ROCK2: variants seen among roughly 807,000 people sequenced by gnomAD.
The protein encoded by ROCK2 is rho-associated protein kinase 2.
In ROCK2, 61 loss-of-function variants were observed where a neutral mutation model predicts 195.1. The ratio of observed to expected loss-of-function variants is 0.31; its 90% CI spans 0.25 to 0.39. The LOEUF is 0.39. ROCK2 is among the 10% of genes least tolerant of loss of function. The pLI is 1.00. For missense variants in ROCK2, 1,109 were observed against 1,637.4 expected (o/e 0.68, Z 5.57); for synonymous variants, 504 against 545.5 (o/e 0.92, Z 1.06).
intron 1 of ROCK2, among the ~76,000 whole-genome samples, chr2:11,296,019 A>AGGGGAGAGAGAGAGAGAGAGAGAGAGAGG (rs1427608347): frequency 9.1e-6 from 1 of 109,904 alleles, no homozygotes; most frequent in South Asian, 3.5e-4. Flanking sequence ...AGAGAGAGAG[A>AGGGGAGAGAGAGAGAGAGAGAGAGAGAGG]GAGAGAGAGA....
intron 3 of ROCK2, among the ~76,000 whole-genome samples, chr2:11,262,611 G>GCT (rs1355380833): frequency 2.0e-5 from 3 of 152,124 alleles, no homozygotes; most frequent in Non-Finnish European, 4.4e-5. Flanking sequence ...TCCTGCACAA[G>GCT]CTCTCTTTGC....
At chr2:11,328,811 G>C (rs9798189) in intron 1 of ROCK2, among the ~76,000 whole-genome samples, 5 of 150,920 alleles carry the variant, frequency 3.3e-5, no homozygotes, top group Admixed American at 6.6e-5. Context: ...GTAAACTATC[G>C]CAAGGACAAA....
At chr2:11,217,678 C>T (rs755323963) in intron 11 of ROCK2, 50 of 158,836 alleles carry the variant, frequency 3.1e-4, no homozygotes, top group Non-Finnish European at 6.0e-4. Context: ...CAATAACTTT[C>T]GAATAAATGA....
chr2:11,257,870 G>A (rs1666091017), intron 3 of ROCK2, among the ~76,000 whole-genome samples: 1 of 151,414 alleles, frequency 6.6e-6, no homozygotes, highest in Non-Finnish European at 1.5e-5. Flanking sequence ...ATGGAGTGAT[G>A]TATTCTCAAG....
chr2:11,190,007 A>G (rs1558275143), intron 32 of ROCK2, among the ~76,000 whole-genome samples: 1 of 152,022 alleles, frequency 6.6e-6, no homozygotes, highest in African/African-American at 2.4e-5. Context: ...TAATAATAAT[A>G]ATAATAATAA....
intron 1 of ROCK2, among the ~76,000 whole-genome samples, chr2:11,288,740 TA>T (rs767771424): frequency 6.6e-6 from 1 of 151,826 alleles, no homozygotes; most frequent in Admixed American, 6.6e-5. Context: ...GGGACTTGGA[TA>T]GGGGGAAAAC....
intron 1 of ROCK2, among the ~76,000 whole-genome samples, chr2:11,333,421 C>T (rs79906287): frequency 0.024 from 3,662 of 152,154 alleles, 175 homozygotes; most frequent in African/African-American, 0.084. Context: ...ATGAATACCA[C>T]TAGTAGATAT....
chr2:11,194,811 C>T (rs376579102), intron 28 of ROCK2, 144 bp downstream of exon 28: 26 of 415,468 alleles, frequency 6.3e-5, no homozygotes, highest in African/African-American at 4.5e-4. Flanking sequence ...TAAATAAAAT[C>T]ATATCATTTC....
At chr2:11,336,300 A>C (rs1425666603) in intron 1 of ROCK2, among the ~76,000 whole-genome samples, 1 of 152,204 alleles carries the variant, frequency 6.6e-6, no homozygotes, top group Non-Finnish European at 1.5e-5. Context: ...ACCCAGGCTA[A>C]AGTGCAGCAG....
Position 11,228,333 on chromosome 2 carries a change from A to G in ROCK2, c.724-935T>C, listed in dbSNP as rs141289241. ...AAAGGAGGTTGAACACATTTTGTAA[A>G]CCTAATTTATGTAACTTTATATAAA... On this transcript the variant is annotated intron_variant, in intron 5 of 32. Coordinates refer to ENST00000315872, the MANE Select transcript of ROCK2 (RefSeq NM_004850.5). Among the ~76,000 whole-genome samples, 498 of 152,264 alleles carry G rather than the reference A, an allele frequency of 3.3e-3. 7 individuals carry two copies. The highest frequency in any genetic ancestry group is 0.012 in the African/African-American group (481 of 41,552).
At chr2:11,287,544 T>C (rs896886753) in intron 2 of ROCK2, 111 bp downstream of exon 2, 2 of 382,300 alleles carry the variant, frequency 5.2e-6, no homozygotes, top group African/African-American at 2.1e-5. Flanking sequence ...GACTTAAGTT[T>C]AATAAATAAG....
chr2:11,262,601 T>C (rs527547556), intron 3 of ROCK2, among the ~76,000 whole-genome samples: 12 of 152,284 alleles, frequency 7.9e-5, no homozygotes, highest in East Asian at 1.9e-4. Flanking sequence ...GGGGGAGTTT[T>C]CCTGCACAAG....
chr2:11,344,280 A>G lies in ROCK2; in HGVS notation c.-144T>C. 1 of 1,258,140 alleles carries G rather than the reference A, an allele frequency of 7.9e-7. No homozygotes were observed. Among genetic ancestry groups the G allele is most frequent in the Non-Finnish European group, 1.0e-6 (1 of 1,003,804 alleles). 77.9% of individuals were successfully genotyped at this position (1,258,140 alleles called of 1,614,324 possible). ...CTCTAGCTCCGGCTTCGGGTCTCCA[A>G]GGCGGTCCCCCGCCTGGGGGCTGCT... On this transcript the variant is annotated 5_prime_UTR_variant, in exon 1 of 33. Transcript: ENST00000315872. The surrounding 1 kb of genome is among the most constrained non-coding windows in gnomAD (Gnocchi z 5.4).
intron 1 of ROCK2, among the ~76,000 whole-genome samples, chr2:11,291,989 C>T (rs62117973): frequency 0.81 from 122,361 of 151,680 alleles, 50,981 homozygotes; most frequent in East Asian, 0.99. Context: ...AGACAAATGA[C>T]AGACTATGAT....
chr2:11,315,638 A>G (rs1282114263), intron 1 of ROCK2, among the ~76,000 whole-genome samples: 1 of 152,132 alleles, frequency 6.6e-6, no homozygotes, highest in Admixed American at 6.6e-5. Flanking sequence ...AACAACAAGC[A>G]AAGTCCTATT....
At position 11,201,272 on chromosome 2, in the gene ROCK2, C is replaced by T. The variant is rs1327354867; in HGVS notation, c.2723+38G>A. The T allele has an allele frequency of 2.0e-6, 3 of 1,524,356 alleles. No homozygotes were observed. The highest frequency in any genetic ancestry group is 3.4e-5 in the Admixed American group (2 of 59,254). The allele number at this position is 1,524,356 out of a possible 1,614,324, so 94.4% of individuals were successfully genotyped here. On this transcript the variant is annotated intron_variant, in intron 22 of 32. Coordinates refer to ENST00000315872, the MANE Select transcript of ROCK2 (RefSeq NM_004850.5). This position sits in a 1 kb window ranked among gnomAD's most constrained non-coding sequence, Gnocchi z 4.6. ...GGCATTGTTCTAGGAGCAAAGTATA[C>T]AGCTATGAACAAAAAGAGACAAGGG...
At chr2:11,294,042 A>G (rs1667437980) in intron 1 of ROCK2, among the ~76,000 whole-genome samples, 1 of 152,110 alleles carries the variant, frequency 6.6e-6, no homozygotes, top group African/African-American at 2.4e-5. Flanking sequence ...CTGTAGTCCC[A>G]GCTACTTGGA....
chr2:11,265,963 T>C (rs999346431), intron 3 of ROCK2, among the ~76,000 whole-genome samples: 2 of 151,948 alleles, frequency 1.3e-5, no homozygotes, highest in Non-Finnish European at 2.9e-5. Context: ...ACTAGCCATG[T>C]ATGGCGGTAC....
intron 4 of ROCK2, among the ~76,000 whole-genome samples, chr2:11,246,315 T>C (rs1046572751): frequency 3.9e-5 from 6 of 152,070 alleles, no homozygotes; most frequent in Admixed American, 3.9e-4. Context: ...TTCTTCAACC[T>C]GGGGACAAAA....
Sources: allele counts gnomAD v4.1 joint callset (sites outside exome capture counted in the v4.1 genomes callset), GRCh38; gene constraint gnomAD v4.1.1; non-coding constraint Gnocchi (gnomAD v3.1); transcripts MANE v1.5; gene names NCBI Gene and HGNC (gene_info 2026-07-23, HGNC 2026-07-21).